Variants in PXDNL observed in about 807,000 individuals in gnomAD.
The protein encoded by PXDNL is peroxidasin like.
Under a neutral mutation model 150.8 loss-of-function variants are expected in PXDNL, and 145 were observed. The ratio of observed to expected loss-of-function variants is 0.96; its 90% CI spans 0.84 to 1.10. The LOEUF is 1.10. PXDNL is among the 50% of genes least tolerant of loss of function. The probability of loss-of-function intolerance (pLI) is 0.00; values close to 1 mark genes in which losing one functional copy is unlikely to be tolerated. For synonymous variants in PXDNL, 757 were observed against 725.7 expected (o/e 1.04, Z -0.69); for missense variants, 2,087 against 1,873.9 (o/e 1.11, Z -2.10).
intron 4 of PXDNL, among the ~76,000 whole-genome samples, chr8:51,510,976 TC>T (rs1171898821): frequency 6.6e-6 from 1 of 152,134 alleles, no homozygotes; most frequent in Non-Finnish European, 1.5e-5. Context: ...ATGGAACAGA[TC>T]AAGGGATGTG....
chr8:51,429,548 C>T (rs531368298), intron 12 of PXDNL, among the ~76,000 whole-genome samples: 18 of 151,918 alleles, frequency 1.2e-4, no homozygotes, highest in African/African-American at 2.2e-4. Context: ...CCAGCCTGGG[C>T]GACAGAGTGA....
chr8:51,603,600 C>G (rs1436154983), intron 2 of PXDNL, among the ~76,000 whole-genome samples: 1 of 151,870 alleles, frequency 6.6e-6, no homozygotes, highest in Non-Finnish European at 1.5e-5. Context: ...TTGTTTTTAA[C>G]CATTTCTAAG....
intron 17 of PXDNL, among the ~76,000 whole-genome samples, chr8:51,376,814 G>A (rs912878977): frequency 6.6e-6 from 1 of 151,582 alleles, no homozygotes; most frequent in African/African-American, 2.4e-5. Context: ...CACCTCCCGG[G>A]TTCACGCCAT....
chr8:51,485,580 C>A (rs1810712108), intron 5 of PXDNL, among the ~76,000 whole-genome samples: 1 of 152,200 alleles, frequency 6.6e-6, no homozygotes, highest in Non-Finnish European at 1.5e-5. Flanking sequence ...AAGATCATCA[C>A]CCTATCCTGT....
chr8:51,556,103 C>A (rs1354602359), intron 4 of PXDNL, among the ~76,000 whole-genome samples: 4 of 151,960 alleles, frequency 2.6e-5, no homozygotes, highest in African/African-American at 9.7e-5. Context: ...GAAACCCTGT[C>A]TCTACTAAAA....
intron 1 of PXDNL, among the ~76,000 whole-genome samples, chr8:51,688,110 G>A (rs975400860): frequency 4.6e-5 from 7 of 152,064 alleles, no homozygotes; most frequent in Non-Finnish European, 7.3e-5. Context: ...AGAAAAAATC[G>A]TGATCAGTAA....
chr8:51,764,379 G>GTTT (rs56742838), intron 1 of PXDNL, among the ~76,000 whole-genome samples: 22 of 129,154 alleles, frequency 1.7e-4, no homozygotes, highest in Admixed American at 1.1e-3. Context: ...TCTTTTTCTA[G>GTTT]TTTTTTTTTT....
intron 21 of PXDNL, among the ~76,000 whole-genome samples, chr8:51,321,552 A>G (rs1805315493): frequency 6.6e-6 from 1 of 151,220 alleles, no homozygotes; most frequent in Admixed American, 6.6e-5. Context: ...GATTTCCCCC[A>G]TGCTGTTCTC....
intron 3 of PXDNL, among the ~76,000 whole-genome samples, chr8:51,570,866 G>C (rs988591760): frequency 6.6e-6 from 1 of 151,738 alleles, no homozygotes; most frequent in East Asian, 1.9e-4. Context: ...TATATATATT[G>C]TAACTAAAAC....
intron 17 of PXDNL, among the ~76,000 whole-genome samples, chr8:51,385,473 T>G (rs912358445): frequency 1.3e-5 from 2 of 152,184 alleles, no homozygotes; most frequent in African/African-American, 4.8e-5. Context: ...GATTGAGAAA[T>G]TAAAGATTAA....
chr8:51,780,320 T>C (rs2037398347), intron 1 of PXDNL, among the ~76,000 whole-genome samples: 3 of 152,170 alleles, frequency 2.0e-5, no homozygotes, highest in Admixed American at 2.0e-4. Context: ...GACACTAATG[T>C]AGATAGCTGA....
intron 17 of PXDNL, among the ~76,000 whole-genome samples, chr8:51,390,823 C>T (rs1807877037): frequency 2.6e-5 from 4 of 151,806 alleles, no homozygotes; most frequent in African/African-American, 9.7e-5. Flanking sequence ...TATACATGTG[C>T]CATGCTGGTG....
intron 1 of PXDNL, among the ~76,000 whole-genome samples, chr8:51,715,399 C>T (rs1454942775): frequency 1.3e-5 from 2 of 152,202 alleles, no homozygotes; most frequent in Non-Finnish European, 2.9e-5. Context: ...GACTTGAACT[C>T]TGACTGACTC....
intron 6 of PXDNL, among the ~76,000 whole-genome samples, chr8:51,480,936 G>A (rs1004323827): frequency 2.6e-5 from 4 of 152,150 alleles, no homozygotes; most frequent in African/African-American, 9.7e-5. Flanking sequence ...TTTATTAACA[G>A]TATAAGAACA....
intron 6 of PXDNL, among the ~76,000 whole-genome samples, chr8:51,482,915 A>G (rs2130167633): frequency 6.6e-6 from 1 of 152,162 alleles, no homozygotes; most frequent in East Asian, 1.9e-4. Context: ...TGATGGATAC[A>G]CCTGTGTGAG....
intron 8 of PXDNL, among the ~76,000 whole-genome samples, chr8:51,464,971 GACAT>G (rs1810172079): frequency 6.6e-6 from 1 of 152,114 alleles, no homozygotes; most frequent in Non-Finnish European, 1.5e-5. Flanking sequence ...AATTTTACCT[GACAT>G]ACAAAGAAGA....
rs183608625 is a variant in PXDNL, at chr8:51,806,561, C to T, written c.164+2620G>A. ...CAGAGGAGTAGAGGAGCAATTTTTACAGGCTTTACATATACTTCTCAGCTT... is the reference window on the plus strand; with the variant it reads ...CAGAGGAGTAGAGGAGCAATTTTTATAGGCTTTACATATACTTCTCAGCTT... On this transcript the variant is annotated intron_variant, in intron 1 of 22. Coordinates refer to ENST00000356297, the MANE Select transcript of PXDNL (RefSeq NM_144651.5). Among the ~76,000 whole-genome samples, 129 of 152,292 alleles carry T rather than the reference C, an allele frequency of 8.5e-4. 2 individuals are homozygous for T. Among genetic ancestry groups the T allele is most frequent in the Admixed American group, 7.7e-3 (118 of 15,302 alleles).
At chr8:51,369,343 A>G (rs2130776281) in intron 19 of PXDNL, among the ~76,000 whole-genome samples, 1 of 152,344 alleles carries the variant, frequency 6.6e-6, no homozygotes, top group Non-Finnish European at 1.5e-5. Flanking sequence ...ATGTTCCAGC[A>G]GGCCTCTAAT....
chr8:51,515,884 T>C (rs182657339), intron 4 of PXDNL, among the ~76,000 whole-genome samples: 58 of 152,346 alleles, frequency 3.8e-4, no homozygotes, highest in Middle Eastern at 3.4e-3. Flanking sequence ...CCTAATTTCA[T>C]GTTTTACAAG....
Sources: gnomAD v4.1 joint callset for allele counts (sites outside exome capture counted in the v4.1 genomes callset) on GRCh38, gnomAD v4.1.1 for gene constraint, MANE v1.5 for transcripts, NCBI Gene and HGNC (gene_info 2026-07-23, HGNC 2026-07-21) for gene names.